The following PTPRD variants were observed in gnomAD, a reference collection of about 807,000 sequenced individuals.
PTPRD encodes the protein protein tyrosine phosphatase receptor type D, also known as receptor-type tyrosine-protein phosphatase delta.
A neutral mutation model predicts 214.5 loss-of-function variants in PTPRD; 34 were observed. The ratio of observed to expected loss-of-function variants is 0.16; its 90% CI spans 0.12 to 0.21. The LOEUF (loss-of-function observed/expected upper bound fraction) is 0.21, where lower values mean the gene tolerates loss of function less well. PTPRD is among the 10% of genes least tolerant of loss of function. PTPRD has a pLI of 1.00. For synonymous variants in PTPRD, 1,128 were observed against 845.7 expected, an observed-to-expected ratio of 1.33 and a Z score of -5.79; for missense variants, 2,545 against 2,398.7, an observed-to-expected ratio of 1.06 and a Z score of -1.27.
intron 7 of PTPRD, among the ~76,000 whole-genome samples, chr9:9,601,152 TGGG>T (rs145964431): frequency 1.5e-5 from 1 of 67,230 alleles, no homozygotes; most frequent in Non-Finnish European, 2.7e-5. Flanking sequence ...TGTGTGTGTA[TGGG>T]GGGGGGAGAG....
chr9:9,814,417 G>C (rs868673800), intron 5 of PTPRD, among the ~76,000 whole-genome samples: 3 of 151,544 alleles, frequency 2.0e-5, no homozygotes, highest in Middle Eastern at 3.2e-3. Context: ...AAAACCGTTA[G>C]AATAAATGAT....
At chr9:8,428,753 C>A (rs2094857314) in intron 35 of PTPRD, among the ~76,000 whole-genome samples, 1 of 152,094 alleles carries the variant, frequency 6.6e-6, no homozygotes, top group Non-Finnish European at 1.5e-5. Flanking sequence ...CCCTCATGAG[C>A]TTACACATAA....
At chr9:10,232,137 G>T (rs1005562298) in intron 3 of PTPRD, among the ~76,000 whole-genome samples, 1 of 151,586 alleles carries the variant, frequency 6.6e-6, no homozygotes, top group East Asian at 2.0e-4. Flanking sequence ...TAGCACCAAA[G>T]CCCTCACCAG....
intron 9 of PTPRD, among the ~76,000 whole-genome samples, chr9:9,381,701 GT>G (rs2062321495): frequency 1.4e-5 from 2 of 138,314 alleles, no homozygotes; most frequent in African/African-American, 5.4e-5. Flanking sequence ...TTTGTTTTTT[GT>G]TTTTTGTTTT....
intron 39 of PTPRD, among the ~76,000 whole-genome samples, chr9:8,370,618 G>T (rs2081255144): frequency 6.6e-6 from 1 of 152,038 alleles, no homozygotes; most frequent in African/African-American, 2.4e-5. Context: ...CTTTGATTTA[G>T]AAAGAGTGAA....
At chr9:9,003,341 C>A (rs10977436) in intron 11 of PTPRD, among the ~76,000 whole-genome samples, 1 of 152,016 alleles carries the variant, frequency 6.6e-6, no homozygotes, top group Non-Finnish European at 1.5e-5. Flanking sequence ...TCTAGGCAGT[C>A]TGGCTGTTGC....
In PTPRD at chr9:9,848,627, T is replaced by A. The variant is rs185174044; in HGVS notation, c.-367-81776A>T. ...CTACCCCAGAAAGCTGTGCCTTCAA[T>A]CTATATTTTCTATGTATTCAGTAAC... On this transcript the variant is annotated intron_variant, in intron 5 of 45. Coordinates refer to ENST00000381196, the MANE Select transcript of PTPRD (RefSeq NM_002839.4). Among the ~76,000 whole-genome samples, 495 of 152,224 alleles carry A rather than the reference T, an allele frequency of 3.3e-3. 2 individuals carry two copies. Among genetic ancestry groups the A allele is most frequent in the Non-Finnish European group, 6.0e-3 (409 of 67,994 alleles).
chr9:9,789,582 G>T (rs556418312), intron 5 of PTPRD, among the ~76,000 whole-genome samples: 87 of 151,896 alleles, frequency 5.7e-4, no homozygotes, highest in African/African-American at 2.1e-3. Context: ...CGGATCAGGA[G>T]ATCAGGAGAT....
chr9:10,479,289 A>C (rs1427957530), intron 2 of PTPRD, among the ~76,000 whole-genome samples: 3 of 152,164 alleles, frequency 2.0e-5, no homozygotes. Flanking sequence ...CTTGTGTGTC[A>C]TGTGCAGAGC....
intron 2 of PTPRD, among the ~76,000 whole-genome samples, chr9:10,347,973 G>A (rs891069163): frequency 2.0e-5 from 3 of 152,076 alleles, no homozygotes; most frequent in African/African-American, 4.8e-5. Context: ...AGGGAGAATC[G>A]CTTGAACCCA....
At chr9:10,046,340 A>C (rs1322013344) in intron 3 of PTPRD, among the ~76,000 whole-genome samples, 1 of 151,822 alleles carries the variant, frequency 6.6e-6, no homozygotes, top group African/African-American at 2.4e-5. Context: ...ATCTTAGAAA[A>C]ATTTCTTATA....
At chr9:9,759,845 C>T (rs550726643) in intron 6 of PTPRD, among the ~76,000 whole-genome samples, 1 of 152,292 alleles carries the variant, frequency 6.6e-6, no homozygotes, top group South Asian at 2.1e-4. Flanking sequence ...GCATGGGCCA[C>T]TGTGCCCGGC....
At chr9:10,241,501 A>G (rs1295449130) in intron 3 of PTPRD, among the ~76,000 whole-genome samples, 1 of 152,008 alleles carries the variant, frequency 6.6e-6, no homozygotes, top group African/African-American at 2.4e-5. Flanking sequence ...CCATGCAATG[A>G]ACTACTACTT....
intron 3 of PTPRD, among the ~76,000 whole-genome samples, chr9:10,155,656 T>C (rs1019148519): frequency 6.6e-6 from 1 of 152,094 alleles, no homozygotes; most frequent in African/African-American, 2.4e-5. Flanking sequence ...TAACATGAAG[T>C]GGTGTTGAAT....
At chr9:10,390,709 GACTAAAC>G (rs1292473565) in intron 2 of PTPRD, among the ~76,000 whole-genome samples, 1 of 151,712 alleles carries the variant, frequency 6.6e-6, no homozygotes, top group Admixed American at 6.6e-5. Context: ...GGCTCTCTGA[GACTAAAC>G]ACTTCTAGGA....
intron 11 of PTPRD, among the ~76,000 whole-genome samples, chr9:8,949,533 C>T (rs1017339691): frequency 1.7e-4 from 26 of 152,048 alleles, no homozygotes; most frequent in African/African-American, 4.8e-4. Context: ...CCTAGAAACT[C>T]GCTAACTTTT....
rs530666418 is a variant in PTPRD at position 8,316,039 on chromosome 9, G to C, written c.*1835C>G. On this transcript the variant is annotated 3_prime_UTR_variant, in exon 46 of 46. Transcript: ENST00000381196. The stretch of plus-strand genomic sequence containing the variant: ...GATATTTGTTACTAAAATAAGTTTG[G>C]TGCAGTTACTGCATGTTCCAGAGCG... 1.3e-5 allele frequency: 3 copies of C among 228,278 alleles called. No individual in the cohort carries two copies. The East Asian group carries it at 1.9e-4, about 14-fold the overall frequency. The allele number at this position is 228,278 out of a possible 1,614,324, so 14.1% of individuals were successfully genotyped here.
intron 5 of PTPRD, among the ~76,000 whole-genome samples, chr9:9,918,501 T>G (rs2081603426): frequency 6.6e-6 from 1 of 151,992 alleles, no homozygotes. Flanking sequence ...CTGATTCGAT[T>G]AAATCTCTAT....
At chr9:9,943,162 A>C (rs1290333352) in intron 4 of PTPRD, among the ~76,000 whole-genome samples, 1 of 152,156 alleles carries the variant, frequency 6.6e-6, no homozygotes, top group Non-Finnish European at 1.5e-5. Context: ...GATCTGTTTT[A>C]ACCCTTAAAG....
Sources: allele counts gnomAD v4.1 joint callset (sites outside exome capture counted in the v4.1 genomes callset), GRCh38; gene constraint gnomAD v4.1.1; transcripts MANE v1.5; gene names NCBI Gene and HGNC (gene_info 2026-07-23, HGNC 2026-07-21).